STK33: variants seen among roughly 807,000 people sequenced by gnomAD.
STK33 encodes the protein serine/threonine kinase 33.
A neutral mutation model predicts 58.0 loss-of-function variants in STK33; 52 were observed. The ratio of observed to expected loss-of-function variants is 0.90; its 90% CI spans 0.72 to 1.13. STK33 has a LOEUF of 1.13. Ranked by LOEUF, STK33 falls within the 50% of genes most tolerant of loss-of-function variation. STK33 has a pLI of 0.00. For synonymous variants in STK33, 215 were observed against 200.1 expected (o/e 1.07, Z -0.63); for missense variants, 630 against 604.2 (o/e 1.04, Z -0.45).
At chr11:8,350,321 TGGA>T in the STK33 span, among the ~76,000 whole-genome samples, 1 of 152,152 alleles carries the variant, frequency 6.6e-6, no homozygotes, top group East Asian at 1.9e-4. Flanking sequence ...AGAGCCTTTA[TGGA>T]GAAATTGAGG....
rs1054670033 is a variant in STK33, at chr11:8,474,971, C to T, written c.-66G>A. 23 of 1,428,684 alleles carry T rather than the reference C, an allele frequency of 1.6e-5. No homozygotes were observed. Among genetic ancestry groups the T allele is most frequent in the African/African-American group, 2.9e-5 (2 of 69,560 alleles). 88.5% of individuals were successfully genotyped at this position (1,428,684 alleles called of 1,614,324 possible). ...CACTGTTTGAGGAAGAAAACCAGGC[C>T]AAAAAGGATAAGGTAGTTGATGGTG... On this transcript the variant is annotated 5_prime_UTR_variant, in exon 5 of 16. Transcript: ENST00000687296.
chr11:8,385,487 C>T, the STK33 span, among the ~76,000 whole-genome samples: 105 of 152,320 alleles, frequency 6.9e-4, no homozygotes, highest in Middle Eastern at 6.8e-3. Context: ...GCTCTTCCCA[C>T]GGTTGGCTTC....
intron 1 of STK33, among the ~76,000 whole-genome samples, chr11:8,510,992 T>C (rs1462139087): frequency 1.3e-5 from 2 of 152,172 alleles, no homozygotes; most frequent in Non-Finnish European, 2.9e-5. Flanking sequence ...TGGTTCTGTA[T>C]GAATTTTGGT....
intron 11 of STK33, among the ~76,000 whole-genome samples, chr11:8,449,446 T>C (rs1011983341): frequency 3.3e-5 from 5 of 151,640 alleles, no homozygotes; most frequent in African/African-American, 7.3e-5. Flanking sequence ...TGGAATACTA[T>C]GCAGCCATAA....
chr11:8,366,298 G>A, the STK33 span, among the ~76,000 whole-genome samples: 1 of 152,202 alleles, frequency 6.6e-6, no homozygotes, highest in Non-Finnish European at 1.5e-5. Context: ...CCTCTTTGCA[G>A]CCCAGGCCCT....
At chr11:8,583,270 C>A (rs2030768564) in intron 1 of STK33, among the ~76,000 whole-genome samples, 1 of 152,126 alleles carries the variant, frequency 6.6e-6, no homozygotes, top group Admixed American at 6.5e-5. Flanking sequence ...TCCTTCATAT[C>A]ATTTAAAGGT....
chr11:8,423,905 A>G (rs1447783908), intron 14 of STK33, among the ~76,000 whole-genome samples: 2 of 152,052 alleles, frequency 1.3e-5, no homozygotes, highest in Non-Finnish European at 1.5e-5. Context: ...TAAAATTACT[A>G]TATAATCTTT....
chr11:8,478,747 GAA>G (rs567595541), intron 2 of STK33, among the ~76,000 whole-genome samples: 3 of 141,450 alleles, frequency 2.1e-5, no homozygotes, highest in African/African-American at 7.7e-5. Context: ...AAGTAAAGGG[GAA>G]AAAAAAAAAA....
At chr11:8,514,722 G>GA (rs1354449191) in intron 1 of STK33, among the ~76,000 whole-genome samples, 1 of 151,850 alleles carries the variant, frequency 6.6e-6, no homozygotes, top group Non-Finnish European at 1.5e-5. Context: ...ATCCTTCTCT[G>GA]AATGTTGATG....
the STK33 span, among the ~76,000 whole-genome samples, chr11:8,364,829 C>T: frequency 0.066 from 10,086 of 152,232 alleles, 355 homozygotes; most frequent in African/African-American, 0.072. Context: ...TGCTCTCCTA[C>T]GCATATAGTT....
chr11:8,553,203 A>ATATATATATATATATATATATATGGTGTG (rs1565347661), intron 1 of STK33, among the ~76,000 whole-genome samples: 14 of 72,902 alleles, frequency 1.9e-4, no homozygotes, highest in Admixed American at 5.9e-4. Flanking sequence ...TATATGGTGT[A>ATATATATATATATATATATATATGGTGTG]TATATATATA....
chr11:8,593,326 G>A (rs1424600245), intron 1 of STK33, among the ~76,000 whole-genome samples: 1 of 152,156 alleles, frequency 6.6e-6, no homozygotes, highest in Non-Finnish European at 1.5e-5. Context: ...GGATATTGGA[G>A]TCATTTGGTG....
At chr11:8,581,441 G>A (rs772965083) in intron 1 of STK33, among the ~76,000 whole-genome samples, 1 of 152,128 alleles carries the variant, frequency 6.6e-6, no homozygotes, top group Non-Finnish European at 1.5e-5. Flanking sequence ...AGTCTGGAAG[G>A]TCGAGGCTAA....
chr11:8,473,764 C>G (rs1369817083), intron 5 of STK33, among the ~76,000 whole-genome samples: 1 of 152,108 alleles, frequency 6.6e-6, no homozygotes, highest in Non-Finnish European at 1.5e-5. Flanking sequence ...CAAGGGAGAA[C>G]ATATGAAGAA....
intron 1 of STK33, chr11:8,593,605 GC>G (rs1332969774): frequency 6.6e-6 from 1 of 152,166 alleles, no homozygotes; most frequent in Non-Finnish European, 1.5e-5. Context: ...CCTATGTGCA[GC>G]CTCTAGGTGC....
chr11:8,556,664 C>T (rs191299972), intron 1 of STK33, among the ~76,000 whole-genome samples: 23 of 152,256 alleles, frequency 1.5e-4, no homozygotes, highest in African/African-American at 5.5e-4. Context: ...GGAACTTGTA[C>T]ACTTTCTTCA....
Position 8,454,052 on chromosome 11 carries a change from T to C in STK33, c.786+692A>G, listed in dbSNP as rs897332681. ...AAGACATGCACAATTCTTGCCTTCA[T>C]AGAGTTTACAATGGAACTGTTCCAG... On this transcript the variant is annotated intron_variant, in intron 10 of 15. Transcript: ENST00000687296. 1.2e-4 allele frequency among the ~76,000 whole-genome samples: 19 copies of C among 152,340 alleles called. No individual in the cohort carries two copies. The East Asian group carries it at 2.9e-3, about 23-fold the overall frequency.
rs1949373520 is a variant in STK33 at position 8,477,295 on chromosome 11, T to C, written c.-260-12A>G. ...ATTTAACTTCAGGCCTAGAAGAAAATGTTTTGCATTTCAGGTTAAATATAA... is the reference window on the plus strand; with the variant it reads ...ATTTAACTTCAGGCCTAGAAGAAAACGTTTTGCATTTCAGGTTAAATATAA... On this transcript the variant is annotated splice_polypyrimidine_tract_variant and intron_variant, in intron 2 of 15. Transcript: ENST00000687296. The C allele has an allele frequency of 6.6e-6, 1 of 152,110 alleles. No individual in the cohort carries two copies. Among genetic ancestry groups the C allele is most frequent in the Non-Finnish European group, 1.5e-5 (1 of 68,024 alleles). 9.4% of individuals were successfully genotyped at this position (152,110 alleles called of 1,614,324 possible). A position where few individuals can be genotyped will look rare whatever the true frequency, so the allele number is the denominator to read the frequency against.
intron 1 of STK33, among the ~76,000 whole-genome samples, chr11:8,534,568 C>CTCTCTCTCTGTGTG (rs1402710450): frequency 9.6e-6 from 1 of 104,694 alleles, no homozygotes; most frequent in African/African-American, 4.1e-5. Context: ...CTCTCTCTCT[C>CTCTCTCTCTGTGTG]TGTGTGTGTG....
Sources: gnomAD v4.1 joint callset for allele counts (sites outside exome capture counted in the v4.1 genomes callset) on GRCh38, gnomAD v4.1.1 for gene constraint, MANE v1.5 for transcripts, NCBI Gene and HGNC (gene_info 2026-07-23, HGNC 2026-07-21) for gene names.